RPL22L1: variants seen among roughly 807,000 people sequenced by gnomAD.
RPL22L1 encodes the protein ribosomal protein eL22-like.
A neutral mutation model predicts 17.3 loss-of-function variants in RPL22L1; 19 were observed. The ratio of observed to expected loss-of-function variants is 1.10; its 90% CI spans 0.77 to 1.61. The LOEUF (loss-of-function observed/expected upper bound fraction) is 1.61, where lower values mean the gene tolerates loss of function less well. Among genes scored for constraint, RPL22L1 ranks in the 40% most tolerant of loss-of-function variants. The probability of loss-of-function intolerance (pLI) is 0.00; values close to 1 mark genes in which losing one functional copy is unlikely to be tolerated. For missense variants in RPL22L1, 139 were observed against 144.4 expected, an observed-to-expected ratio of 0.96 and a Z score of 0.19; for synonymous variants, 48 against 48.5, an observed-to-expected ratio of 0.99 and a Z score of 0.05.
chr3:170,868,612 TTTCA>T (rs1055227716), intron 1 of RPL22L1, among the ~76,000 whole-genome samples: 10 of 152,084 alleles, frequency 6.6e-5, no homozygotes, highest in Admixed American at 1.3e-4. Context: ...AGTTACGGAC[TTTCA>T]TTGTTTTCTA....
chr3:170,869,900 T>A (rs1193245314), intron 1 of RPL22L1: 4 of 641,258 alleles, frequency 6.2e-6, no homozygotes, highest in Non-Finnish European at 8.7e-6. Flanking sequence ...TGCCTCCCTC[T>A]TTCCCGCGTG....
chr3:170,867,694 C>T (rs528413117), intron 3 of RPL22L1, among the ~76,000 whole-genome samples: 43 of 152,276 alleles, frequency 2.8e-4, no homozygotes, highest in African/African-American at 9.4e-4. Flanking sequence ...CTCCTATGTA[C>T]ACATCAGACA....
In RPL22L1 at chr3:170,865,243, T is replaced by C. The variant is rs890260271; in HGVS notation, c.*1137A>G. The C allele has an allele frequency of 1.3e-5, 2 of 152,190 alleles. No homozygotes were observed. Among genetic ancestry groups the C allele is most frequent in the African/African-American group, 4.8e-5 (2 of 41,448 alleles). The allele number at this position is 152,190 out of a possible 1,614,324, so 9.4% of individuals were successfully genotyped here. A position where few individuals can be genotyped will look rare whatever the true frequency, so the allele number is the denominator to read the frequency against. On this transcript the variant is annotated 3_prime_UTR_variant, in exon 4 of 4. Coordinates refer to ENST00000295830, the MANE Select transcript of RPL22L1 (RefSeq NM_001099645.2). ...TTCAAGCAATTCCCAAACCAATTAA[T>C]GCATAGATTAGGTTGTAACTGTCCA...
Position 170,866,245 on chromosome 3 carries a change from C to A in RPL22L1, c.*135G>T, listed in dbSNP as rs368429618. Reference sequence around the variant, plus strand: ...ATCAAAATCATATAAACAGCATACTCAAAAAAATGAGACAAAAGTTCAAGA... The same window carrying A: ...ATCAAAATCATATAAACAGCATACTAAAAAAAATGAGACAAAAGTTCAAGA... On this transcript the variant is annotated 3_prime_UTR_variant, in exon 4 of 4. Coordinates refer to ENST00000295830, the MANE Select transcript of RPL22L1 (RefSeq NM_001099645.2). 6.3e-4 allele frequency: 432 copies of A among 680,436 alleles called. 4 individuals are homozygous for A. The African/African-American group carries it at 6.9e-3, about 11-fold the overall frequency. The allele number at this position is 680,436 out of a possible 1,614,324, so 42.1% of individuals were successfully genotyped here. A position where few individuals can be genotyped will look rare whatever the true frequency, so the allele number is the denominator to read the frequency against.
rs1459005519 is a variant in RPL22L1 at position 170,865,607 on chromosome 3, TGA to T, written c.*771_*772del. ...ACCACAGTAGATTCTGTAGCTGAGT[TGA>T]GATTTGGTTTTGAGTTTCTGGTGCC... On this transcript the variant is annotated 3_prime_UTR_variant, in exon 4 of 4. Coordinates refer to ENST00000295830, the MANE Select transcript of RPL22L1 (RefSeq NM_001099645.2). 1 of 152,070 alleles carries T rather than the reference TGA, an allele frequency of 6.6e-6. No individual in the cohort carries two copies. The highest frequency in any genetic ancestry group is 1.5e-5 in the Non-Finnish European group (1 of 68,022). The allele number at this position is 152,070 out of a possible 1,614,324, so 9.4% of individuals were successfully genotyped here. A position where few individuals can be genotyped will look rare whatever the true frequency, so the allele number is the denominator to read the frequency against.
rs759074006 is a variant in RPL22L1, at chr3:170,868,403, G to T, written c.10-13C>A. The T allele has an allele frequency of 6.7e-7, 1 of 1,503,520 alleles. No individual in the cohort carries two copies. Among genetic ancestry groups the T allele is most frequent in the South Asian group, 1.2e-5 (1 of 86,238 alleles). The allele number at this position is 1,503,520 out of a possible 1,614,324, so 93.1% of individuals were successfully genotyped here. On this transcript the variant is annotated splice_polypyrimidine_tract_variant and intron_variant, in intron 1 of 3. Coordinates refer to ENST00000295830, the MANE Select transcript of RPL22L1 (RefSeq NM_001099645.2). The stretch of plus-strand genomic sequence containing the variant: ...TCCTGTCTTTCTGCTACATAAATGA[G>T]AAATAATTATGTAGCTATATAAAAC...
chr3:170,868,529 A>G, intron 1 of RPL22L1, 139 bp from the exon 2 acceptor site: 2 of 562,630 alleles, frequency 3.6e-6, no homozygotes, highest in Non-Finnish European at 3.1e-6. Context: ...ATAAATAAAA[A>G]AACACCACCA....
chr3:170,865,167 G>C lies in RPL22L1; in HGVS notation c.*1213C>G, dbSNP rs1316510391. 1 of 152,116 alleles carries C rather than the reference G, an allele frequency of 6.6e-6. No homozygotes were observed. The highest frequency in any genetic ancestry group is 1.5e-5 in the Non-Finnish European group (1 of 68,022). 9.4% of individuals were successfully genotyped at this position (152,116 alleles called of 1,614,324 possible). A position where few individuals can be genotyped will look rare whatever the true frequency, so the allele number is the denominator to read the frequency against. On this transcript the variant is annotated 3_prime_UTR_variant, in exon 4 of 4. Transcript: ENST00000295830. The stretch of plus-strand genomic sequence containing the variant: ...CACTGAGGTATTGCACGATGATGGG[G>C]GCACTTAAATTTTTAGGAAAACGAA...
intron 1 of RPL22L1, chr3:170,869,889 G>A (rs1407232327): frequency 1.6e-6 from 1 of 620,758 alleles, no homozygotes; most frequent in Non-Finnish European, 3.0e-6. Context: ...ATTTACAGTT[G>A]TGCCTCCCTC....
At position 170,866,115 on chromosome 3, in the gene RPL22L1, T is replaced by A. The variant is rs551228120; in HGVS notation, c.*265A>T. 3.2e-5 allele frequency: 8 copies of A among 248,448 alleles called. No homozygotes were observed. Among genetic ancestry groups the A allele is most frequent in the Admixed American group, 3.1e-4 (6 of 19,168 alleles). 15.4% of individuals were successfully genotyped at this position (248,448 alleles called of 1,614,324 possible). A position where few individuals can be genotyped will look rare whatever the true frequency, so the allele number is the denominator to read the frequency against. ...GAGTGTCTAAAAAAAAGATTTCCTA[T>A]ATAACGCTACTTTTACCTGAGTACA... On this transcript the variant is annotated 3_prime_UTR_variant, in exon 4 of 4. Coordinates refer to ENST00000295830, the MANE Select transcript of RPL22L1 (RefSeq NM_001099645.2).
Position 170,865,234 on chromosome 3 carries a change from A to G in RPL22L1, c.*1146T>C, listed in dbSNP as rs1711697573. Reference sequence around the variant, plus strand: ...AACAATAATTTCAAGCAATTCCCAAACCAATTAATGCATAGATTAGGTTGT... The same window carrying G: ...AACAATAATTTCAAGCAATTCCCAAGCCAATTAATGCATAGATTAGGTTGT... On this transcript the variant is annotated 3_prime_UTR_variant, in exon 4 of 4. Transcript: ENST00000295830. 6.6e-6 allele frequency: 1 copy of G among 152,222 alleles called. No homozygotes were observed. The allele number at this position is 152,222 out of a possible 1,614,324, so 9.4% of individuals were successfully genotyped here.
Position 170,865,861 on chromosome 3 carries a change from C to A in RPL22L1, c.*519G>T, listed in dbSNP as rs917295874. 1 of 152,374 alleles carries A rather than the reference C, an allele frequency of 6.6e-6. No individual in the cohort carries two copies. The highest frequency in any genetic ancestry group is 6.5e-5 in the Admixed American group (1 of 15,300). The allele number at this position is 152,374 out of a possible 1,614,324, so 9.4% of individuals were successfully genotyped here. A position where few individuals can be genotyped will look rare whatever the true frequency, so the allele number is the denominator to read the frequency against. On this transcript the variant is annotated 3_prime_UTR_variant, in exon 4 of 4. Coordinates refer to ENST00000295830, the MANE Select transcript of RPL22L1 (RefSeq NM_001099645.2). Reference sequence around the variant, plus strand: ...TACAGCTATATAAAAAATTGTTCTACAGTAAGATTTCCTGGCCGGGCATGG... The same window carrying A: ...TACAGCTATATAAAAAATTGTTCTAAAGTAAGATTTCCTGGCCGGGCATGG...
rs764411184 is a variant in RPL22L1 at position 170,865,251 on chromosome 3, T to C, written c.*1129A>G. The C allele has an allele frequency of 1.2e-4, 18 of 152,182 alleles. No homozygotes were observed. Among genetic ancestry groups the C allele is most frequent in the Non-Finnish European group, 2.5e-4 (17 of 68,040 alleles). The allele number at this position is 152,182 out of a possible 1,614,324, so 9.4% of individuals were successfully genotyped here. A position where few individuals can be genotyped will look rare whatever the true frequency, so the allele number is the denominator to read the frequency against. ...ATTCCCAAACCAATTAATGCATAGATTAGGTTGTAACTGTCCAGATATGTT... is the reference window on the plus strand; with the variant it reads ...ATTCCCAAACCAATTAATGCATAGACTAGGTTGTAACTGTCCAGATATGTT... On this transcript the variant is annotated 3_prime_UTR_variant, in exon 4 of 4. Coordinates refer to ENST00000295830, the MANE Select transcript of RPL22L1 (RefSeq NM_001099645.2).
intron 1 of RPL22L1, 45 bp from the exon 2 acceptor site, chr3:170,868,435 T>C (rs1276025232): frequency 4.2e-6 from 5 of 1,179,012 alleles, no homozygotes; most frequent in African/African-American, 3.1e-5. Context: ...AAACAACTTA[T>C]TCAATTTATA....
In RPL22L1 at chr3:170,866,116, A is replaced by G; in HGVS notation, c.*264T>C. The stretch of plus-strand genomic sequence containing the variant: ...AGTGTCTAAAAAAAAGATTTCCTAT[A>G]TAACGCTACTTTTACCTGAGTACAT... On this transcript the variant is annotated 3_prime_UTR_variant, in exon 4 of 4. Coordinates refer to ENST00000295830, the MANE Select transcript of RPL22L1 (RefSeq NM_001099645.2). 4.0e-6 allele frequency: 1 copy of G among 251,584 alleles called. No individual in the cohort carries two copies. The highest frequency in any genetic ancestry group is 7.5e-6 in the Non-Finnish European group (1 of 132,722). The allele number at this position is 251,584 out of a possible 1,614,324, so 15.6% of individuals were successfully genotyped here.
chr3:170,868,545 C>G (rs1711858774), intron 1 of RPL22L1, among the ~76,000 whole-genome samples, 155 bp from the exon 2 acceptor site: 1 of 151,972 alleles, frequency 6.6e-6, no homozygotes, highest in Non-Finnish European at 1.5e-5. Context: ...CACCACTACC[C>G]ACGCCGGGGT....
rs751813324 is a variant in RPL22L1, at chr3:170,865,308, A to G, written c.*1072T>C. 1 of 152,254 alleles carries G rather than the reference A, an allele frequency of 6.6e-6. No homozygotes were observed. Among genetic ancestry groups the G allele is most frequent in the Admixed American group, 6.5e-5 (1 of 15,288 alleles). 9.4% of individuals were successfully genotyped at this position (152,254 alleles called of 1,614,324 possible). ...CACAATTCTATTAGCATCAAGACTC[A>G]TCTAAGTACCTGAAGTAGTGGCACC... is the stretch of plus-strand genomic sequence containing the variant. On this transcript the variant is annotated 3_prime_UTR_variant, in exon 4 of 4. Coordinates refer to ENST00000295830, the MANE Select transcript of RPL22L1 (RefSeq NM_001099645.2).
Position 170,868,824 on chromosome 3 carries a change from G to GA in RPL22L1, c.10-435dup, listed in dbSNP as rs1187778049. On this transcript the variant is annotated intron_variant, in intron 1 of 3. Coordinates refer to ENST00000295830, the MANE Select transcript of RPL22L1 (RefSeq NM_001099645.2). ...TTGGTAAAAAAAAAAAAAAAGAAAAGAAAAGAAAAAGAAAAAATAAAAATA... is the reference window on the plus strand; with the variant it reads ...TTGGTAAAAAAAAAAAAAAAGAAAAGAAAAAGAAAAAGAAAAAATAAAAATA... 3.7e-3 allele frequency among the ~76,000 whole-genome samples: 544 copies of GA among 146,370 alleles called. 5 individuals carry two copies. The highest frequency in any genetic ancestry group is 0.013 in the African/African-American group (522 of 39,946).
intron 1 of RPL22L1, among the ~76,000 whole-genome samples, chr3:170,869,803 C>T (rs1165152657): frequency 6.6e-6 from 1 of 152,150 alleles, no homozygotes; most frequent in Non-Finnish European, 1.5e-5. Flanking sequence ...CATTCCCCTA[C>T]CCAGTGCTGA....
Sources: allele counts gnomAD v4.1 joint callset (sites outside exome capture counted in the v4.1 genomes callset), GRCh38; gene constraint gnomAD v4.1.1; transcripts MANE v1.5; gene names NCBI Gene and HGNC (gene_info 2026-07-23, HGNC 2026-07-21).